Variants in ALCAM observed in about 807,000 individuals in gnomAD.
The protein encoded by ALCAM is activated leukocyte cell adhesion molecule, also known as CD166 antigen.
Under a neutral mutation model 70.9 loss-of-function variants are expected in ALCAM, and 30 were observed. That is an observed-to-expected ratio of 0.42 (90% CI 0.32 to 0.57). ALCAM has a LOEUF of 0.57. Among genes scored for constraint, ALCAM ranks in the 20% least tolerant of loss-of-function variants. The probability of loss-of-function intolerance (pLI) is 0.11; values close to 1 mark genes in which losing one functional copy is unlikely to be tolerated. For missense variants in ALCAM, 591 were observed against 695.1 expected, an observed-to-expected ratio of 0.85 and a Z score of 1.68; for synonymous variants, 249 against 242.5, an observed-to-expected ratio of 1.03 and a Z score of -0.25.
intron 1 of ALCAM, among the ~76,000 whole-genome samples, chr3:105,450,286 A>G: frequency 6.6e-6 from 1 of 152,070 alleles, no homozygotes; most frequent in East Asian, 1.9e-4. Flanking sequence ...TTCTCTTACT[A>G]TTGTCTGATA....
At chr3:105,437,913 A>T (rs1937087336) in intron 1 of ALCAM, among the ~76,000 whole-genome samples, 1 of 152,142 alleles carries the variant, frequency 6.6e-6, no homozygotes, top group Admixed American at 6.5e-5. Context: ...TATTTTTATC[A>T]ATCTTAAATT....
chr3:105,414,329 T>G (rs1201775313), intron 1 of ALCAM, among the ~76,000 whole-genome samples: 1 of 151,678 alleles, frequency 6.6e-6, no homozygotes, highest in African/African-American at 2.4e-5. Flanking sequence ...GGTGGGAGGA[T>G]TGTATGAGCC....
At chr3:105,449,956 A>G (rs958407439) in intron 1 of ALCAM, among the ~76,000 whole-genome samples, 1 of 152,008 alleles carries the variant, frequency 6.6e-6, no homozygotes, top group East Asian at 1.9e-4. Flanking sequence ...TTAAACTCAA[A>G]CTCGTCTATT....
chr3:105,551,448 T>A (rs977041635), intron 12 of ALCAM, among the ~76,000 whole-genome samples: 2 of 151,636 alleles, frequency 1.3e-5, no homozygotes, highest in Non-Finnish European at 3.0e-5. Flanking sequence ...CAATTTAGCA[T>A]GTATGAGGAG....
At chr3:105,401,527 T>C (rs1301868682) in intron 1 of ALCAM, among the ~76,000 whole-genome samples, 1 of 152,184 alleles carries the variant, frequency 6.6e-6, no homozygotes, top group Non-Finnish European at 1.5e-5. Context: ...TAAATTTTTA[T>C]CAAGTGTTTA....
intron 8 of ALCAM, among the ~76,000 whole-genome samples, chr3:105,543,676 C>T (rs1389655464): frequency 6.6e-6 from 1 of 151,614 alleles, no homozygotes; most frequent in African/African-American, 2.4e-5. Flanking sequence ...CCAATATATG[C>T]ACACATAGAG....
chr3:105,525,528 C>T (rs1413288636), intron 3 of ALCAM: 1 of 219,608 alleles, frequency 4.6e-6, no homozygotes, highest in African/African-American at 2.3e-5. Flanking sequence ...TTCCCCTCTG[C>T]TTTCTGATAA....
chr3:105,571,834 TATTTA>T lies in ALCAM; in HGVS notation c.1665-14_1665-10del. 4 of 1,551,794 alleles carry T rather than the reference TATTTA, an allele frequency of 2.6e-6. No individual in the cohort carries two copies. Among genetic ancestry groups the T allele is most frequent in the Non-Finnish European group, 3.5e-6 (4 of 1,131,762 alleles). On this transcript the variant is annotated splice_polypyrimidine_tract_variant and intron_variant, in intron 14 of 15. Coordinates refer to ENST00000306107, the MANE Select transcript of ALCAM (RefSeq NM_001627.4). ...ATGTATGTGTCAATATGATGAAGTT[TATTTA>T]ATTCTCTTACAGGACTGCATCAAAA...
At chr3:105,545,057 C>T in intron 8 of ALCAM, 166 bp from the exon 9 acceptor site, 1 of 573,768 alleles carries the variant, frequency 1.7e-6, no homozygotes, top group Non-Finnish European at 3.3e-6. Context: ...GCTTGAAAAA[C>T]TAGGCTAATC....
At chr3:105,402,386 A>C (rs1275807779) in intron 1 of ALCAM, among the ~76,000 whole-genome samples, 2 of 152,296 alleles carry the variant, frequency 1.3e-5, no homozygotes, top group African/African-American at 4.8e-5. Flanking sequence ...GAGAATCCAC[A>C]GACCCTTTGA....
intron 1 of ALCAM, among the ~76,000 whole-genome samples, chr3:105,479,516 GC>G (rs1258040623): frequency 3.0e-4 from 45 of 152,092 alleles, no homozygotes; most frequent in African/African-American, 1.1e-3. Flanking sequence ...ACAGCAGAAA[GC>G]AAATGGAACA....
chr3:105,454,640 T>TAGATGCTCA (rs1937508827), intron 1 of ALCAM, among the ~76,000 whole-genome samples: 1 of 147,692 alleles, frequency 6.8e-6, no homozygotes, highest in Non-Finnish European at 1.5e-5. Flanking sequence ...TGGCACATAG[T>TAGATGCTCA]AGATGCTCAT....
intron 14 of ALCAM, among the ~76,000 whole-genome samples, chr3:105,563,682 T>C (rs1470802430): frequency 9.7e-6 from 1 of 102,630 alleles, no homozygotes; most frequent in South Asian, 3.3e-4. Context: ...TTTTTTTTTT[T>C]TTTTTTTTTT....
chr3:105,529,620 A>C (rs748433252), intron 3 of ALCAM, among the ~76,000 whole-genome samples: 7 of 152,188 alleles, frequency 4.6e-5, no homozygotes, highest in Non-Finnish European at 8.8e-5. Flanking sequence ...TCTTTTCCAA[A>C]TAGAAAGACG....
At chr3:105,444,023 C>A (rs1057429980) in intron 1 of ALCAM, among the ~76,000 whole-genome samples, 2 of 152,124 alleles carry the variant, frequency 1.3e-5, no homozygotes, top group Non-Finnish European at 2.9e-5. Flanking sequence ...ACAGTAACCA[C>A]CTCTAATTTC....
intron 1 of ALCAM, among the ~76,000 whole-genome samples, chr3:105,375,698 T>G (rs749136545): frequency 1.2e-4 from 19 of 152,318 alleles, no homozygotes; most frequent in Admixed American, 5.9e-4. Context: ...CAGCAAATTG[T>G]ACAACTCCCA....
chr3:105,571,906 G>A lies in ALCAM; in HGVS notation c.1719G>A (p.Lys573=). Residue 573 remains lysine (K), a synonymous_variant, in exon 15 of 16, where the codon AAG becomes AAA. Coordinates refer to ENST00000306107, the MANE Select transcript of ALCAM (RefSeq NM_001627.4). ...TCGGTAATATGGAAGAAAACAAAAA[G>A]TTAGAAGAAAACAATCACAAAACTG... The part of the protein sequence containing the change: ...KDLGNMEENK[K]LEENNHKTEA The A allele has an allele frequency of 6.2e-7, 1 of 1,613,396 alleles. No individual in the cohort carries two copies. The highest frequency in any genetic ancestry group is 8.5e-7 in the Non-Finnish European group (1 of 1,179,588).
intron 12 of ALCAM, 48 bp from the exon 13 acceptor site, chr3:105,552,096 T>C: frequency 7.0e-7 from 1 of 1,427,688 alleles, no homozygotes; most frequent in South Asian, 1.3e-5. Flanking sequence ...GACTTTCATA[T>C]ATCAACAAAT....
chr3:105,480,010 A>G (rs979711522), intron 1 of ALCAM, among the ~76,000 whole-genome samples: 2 of 152,182 alleles, frequency 1.3e-5, no homozygotes, highest in African/African-American at 4.8e-5. Context: ...CAATCTGAAT[A>G]TACACATTTT....
Sources: allele counts gnomAD v4.1 joint callset (sites outside exome capture counted in the v4.1 genomes callset), GRCh38; gene constraint gnomAD v4.1.1; transcripts MANE v1.5; gene names NCBI Gene and HGNC (gene_info 2026-07-23, HGNC 2026-07-21).